Variants in PANK1 observed in about 807,000 individuals in gnomAD.
PANK1 encodes pantothenate kinase 1.
PANK1 carries 18 observed loss-of-function variants against 40.1 expected under a neutral mutation model. That is an observed-to-expected ratio of 0.45 (90% confidence interval 0.31 to 0.67). The LOEUF is 0.67. PANK1 is among the 30% of genes least tolerant of loss of function. The probability of loss-of-function intolerance (pLI) is 0.06; values close to 1 mark genes in which losing one functional copy is unlikely to be tolerated. For missense variants in PANK1, 457 were observed against 599.6 expected (o/e 0.76, Z 2.48); for synonymous variants, 242 against 237.7 (o/e 1.02, Z -0.17).
rs768953761 is a variant in PANK1 at position 89,584,331 on chromosome 10, C to T, written c.*75G>A. The T allele has an allele frequency of 5.4e-6, 5 of 929,418 alleles. No homozygotes were observed. The highest frequency in any genetic ancestry group is 1.4e-5 in the South Asian group (1 of 73,908). The allele number at this position is 929,418 out of a possible 1,614,324, so 57.6% of individuals were successfully genotyped here. A position where few individuals can be genotyped will look rare whatever the true frequency, so the allele number is the denominator to read the frequency against. ...TAATGGCTTGGCTTCCGTCCCAAAGCGACTTTCACCTTCTCCAGCAGCAAT... is the reference window on the plus strand; with the variant it reads ...TAATGGCTTGGCTTCCGTCCCAAAGTGACTTTCACCTTCTCCAGCAGCAAT... On this transcript the variant is annotated 3_prime_UTR_variant, in exon 7 of 7. Coordinates refer to ENST00000307534, the MANE Select transcript of PANK1 (RefSeq NM_148977.3).
At position 89,583,320 on chromosome 10, in the gene PANK1, TTA is replaced by T. The variant is rs1354118239; in HGVS notation, c.*1084_*1085del. On this transcript the variant is annotated 3_prime_UTR_variant, in exon 7 of 7. Coordinates refer to ENST00000307534, the MANE Select transcript of PANK1 (RefSeq NM_148977.3). Reference sequence around the variant, plus strand: ...AGAAACTGAGATTGAAGTACAGTTTTTAGTTTAAAATATTAAAAATGAAAAAA... The same window carrying T: ...AGAAACTGAGATTGAAGTACAGTTTTGTTTAAAATATTAAAAATGAAAAAA... 6.6e-6 allele frequency: 1 copy of T among 152,194 alleles called. No homozygotes were observed. Among genetic ancestry groups the T allele is most frequent in the Non-Finnish European group, 1.5e-5 (1 of 68,018 alleles). The allele number at this position is 152,194 out of a possible 1,614,324, so 9.4% of individuals were successfully genotyped here. A position where few individuals can be genotyped will look rare whatever the true frequency, so the allele number is the denominator to read the frequency against.
chr10:89,592,062 C>T (rs1334534825), intron 5 of PANK1, among the ~76,000 whole-genome samples: 1 of 152,116 alleles, frequency 6.6e-6, no homozygotes. Flanking sequence ...AAGAAATAAA[C>T]TCTGTTACAT....
intron 1 of PANK1, among the ~76,000 whole-genome samples, chr10:89,624,319 T>C (rs1284243212): frequency 1.3e-5 from 2 of 152,288 alleles, no homozygotes; most frequent in East Asian, 3.9e-4. Flanking sequence ...CAGAAGAAAA[T>C]ATATGAACAT....
intron 1 of PANK1, among the ~76,000 whole-genome samples, chr10:89,628,010 T>A (rs770115443): frequency 6.6e-6 from 1 of 152,212 alleles, no homozygotes; most frequent in South Asian, 2.1e-4. Flanking sequence ...CTAAGATGGT[T>A]ACAAGTTTTA....
At chr10:89,594,202 TA>T (rs1266526280) in intron 3 of PANK1, among the ~76,000 whole-genome samples, 1 of 152,094 alleles carries the variant, frequency 6.6e-6, no homozygotes, top group African/African-American at 2.4e-5. Flanking sequence ...AATTTGCCCC[TA>T]AATTTGAGAA....
chr10:89,612,738 T>C (rs1845199661), intron 1 of PANK1, among the ~76,000 whole-genome samples: 1 of 152,236 alleles, frequency 6.6e-6, no homozygotes, highest in Non-Finnish European at 1.5e-5. Context: ...AGAGACATCC[T>C]CTCTATTCCA....
intron 5 of PANK1, among the ~76,000 whole-genome samples, chr10:89,589,856 T>G (rs1844322997): frequency 6.6e-6 from 1 of 151,650 alleles, no homozygotes; most frequent in Non-Finnish European, 1.5e-5. Flanking sequence ...AAAAGAAATT[T>G]AATTAAATTG....
At chr10:89,623,726 C>T (rs1233772481) in intron 1 of PANK1, among the ~76,000 whole-genome samples, 3 of 152,174 alleles carry the variant, frequency 2.0e-5, no homozygotes, top group Admixed American at 2.0e-4. Context: ...TCCTTCTCTT[C>T]TCATGCAACA....
intron 1 of PANK1, chr10:89,625,635 G>A (rs1845640023): frequency 6.6e-6 from 1 of 152,038 alleles, no homozygotes; most frequent in South Asian, 2.1e-4. Flanking sequence ...CAACCCACGC[G>A]GCTGACCTTG....
At chr10:89,626,553 C>T (rs1344980336) in intron 1 of PANK1, 2 of 152,370 alleles carry the variant, frequency 1.3e-5, no homozygotes, top group African/African-American at 2.4e-5. Context: ...ATCCACCCGC[C>T]TCAGCCTCCC....
intron 1 of PANK1, among the ~76,000 whole-genome samples, chr10:89,630,960 A>T (rs575454569): frequency 6.6e-6 from 1 of 152,330 alleles, no homozygotes. Context: ...TGAGCCCAAG[A>T]GTTGGAGATT....
At chr10:89,593,469 T>C (rs1369095653) in intron 4 of PANK1, 149 bp from the exon 5 acceptor site, 3 of 870,158 alleles carry the variant, frequency 3.4e-6, no homozygotes, top group Non-Finnish European at 5.2e-6. Context: ...GACAGAATTA[T>C]AGTATGCATG....
intron 1 of PANK1, 40 bp from the exon 2 acceptor site, chr10:89,612,088 G>A (rs368268802): frequency 1.4e-5 from 21 of 1,470,800 alleles, no homozygotes; most frequent in Admixed American, 1.9e-5. Flanking sequence ...AATGCTATGC[G>A]TGCAAAGAAG....
At chr10:89,609,162 T>G (rs1431968969) in intron 2 of PANK1, among the ~76,000 whole-genome samples, 1 of 152,212 alleles carries the variant, frequency 6.6e-6, no homozygotes, top group Non-Finnish European at 1.5e-5. Context: ...TCTCCTGGGT[T>G]CAAGAGGTTC....
chr10:89,602,173 C>T (rs572531493), intron 2 of PANK1, among the ~76,000 whole-genome samples: 37 of 152,324 alleles, frequency 2.4e-4, no homozygotes, highest in Non-Finnish European at 3.4e-4. Flanking sequence ...ACATAACAAA[C>T]ACAAAGTCTG....
At chr10:89,604,007 C>T (rs1844865505) in intron 2 of PANK1, among the ~76,000 whole-genome samples, 1 of 152,182 alleles carries the variant, frequency 6.6e-6, no homozygotes, top group African/African-American at 2.4e-5. Context: ...CCTACCCGCT[C>T]CTGATGCTTT....
intron 4 of PANK1, among the ~76,000 whole-genome samples, chr10:89,593,562 A>G (rs1844473157): frequency 1.3e-5 from 2 of 152,198 alleles, no homozygotes; most frequent in African/African-American, 4.8e-5. Context: ...ATATCTGGAC[A>G]AGAATGGAAC....
downstream of PANK1, chr10:89,581,870 A>G (rs1844058852): frequency 6.6e-6 from 1 of 152,194 alleles, no homozygotes; most frequent in South Asian, 2.1e-4. Context: ...GTCAAGATAG[A>G]TTTCTTAAGT....
chr10:89,602,869 C>A (rs1844829291), intron 2 of PANK1, among the ~76,000 whole-genome samples: 1 of 152,056 alleles, frequency 6.6e-6, no homozygotes, highest in Non-Finnish European at 1.5e-5. Context: ...CCCTATTTTT[C>A]AAGAGCCAGA....
Sources: allele counts gnomAD v4.1 joint callset (sites outside exome capture counted in the v4.1 genomes callset), GRCh38; gene constraint gnomAD v4.1.1; transcripts MANE v1.5; gene names NCBI Gene and HGNC (gene_info 2026-07-23, HGNC 2026-07-21).